Variants in PIAS4 observed in about 807,000 individuals in gnomAD.
PIAS4 encodes the protein E3 SUMO-protein ligase PIAS4.
PIAS4 carries 7 observed loss-of-function variants against 58.0 expected under a neutral mutation model. The observed-to-expected ratio is 0.12, with a 90% CI of 0.07 to 0.23. The LOEUF (loss-of-function observed/expected upper bound fraction) is 0.23. Ranked by LOEUF, PIAS4 falls within the 10% of genes least tolerant of loss-of-function variation. The probability of loss-of-function intolerance (pLI) is 1.00; values close to 1 mark genes in which losing one functional copy is unlikely to be tolerated. For synonymous variants in PIAS4, 364 were observed against 312.4 expected (o/e 1.17, Z -1.74); for missense variants, 550 against 709.5 (o/e 0.78, Z 2.55).
At chr19:4,027,777 T>C (rs2040181625) in intron 3 of PIAS4, among the ~76,000 whole-genome samples, 1 of 152,116 alleles carries the variant, frequency 6.6e-6, no homozygotes, top group Non-Finnish European at 1.5e-5. Flanking sequence ...CTCAAATTCC[T>C]GGGCTCAAGA....
chr19:4,032,538 C>A (rs559121848), intron 7 of PIAS4, among the ~76,000 whole-genome samples: 77 of 152,340 alleles, frequency 5.1e-4, no homozygotes, highest in Admixed American at 1.7e-3. Context: ...TCATGTTTCA[C>A]ATATGTTTCC....
chr19:4,031,290 C>T (rs2040220541), intron 7 of PIAS4, among the ~76,000 whole-genome samples: 1 of 152,190 alleles, frequency 6.6e-6, no homozygotes, highest in South Asian at 2.1e-4. Context: ...CCTGTGCACT[C>T]CAGCCCCCCA....
intron 2 of PIAS4, among the ~76,000 whole-genome samples, chr19:4,021,309 T>C (rs574821525): frequency 6.6e-6 from 1 of 152,144 alleles, no homozygotes; most frequent in African/African-American, 2.4e-5. Context: ...TCACCATGCC[T>C]GGCTAATTTT....
At chr19:4,028,886 C>T (rs775239554) in intron 6 of PIAS4, 38 bp downstream of exon 6, 1 of 1,612,648 alleles carries the variant, frequency 6.2e-7, no homozygotes, top group South Asian at 1.1e-5. Flanking sequence ...GCCCCCCAAC[C>T]CCGGCCCCGT....
At chr19:4,008,813 A>C in intron 1 of PIAS4, among the ~76,000 whole-genome samples, 1 of 150,242 alleles carries the variant, frequency 6.7e-6, no homozygotes, top group Non-Finnish European at 1.5e-5. Flanking sequence ...ACTTTTATGC[A>C]CCCCAACTTT....
intron 7 of PIAS4, among the ~76,000 whole-genome samples, chr19:4,029,892 G>A (rs145316144): frequency 0.093 from 12,788 of 137,930 alleles, 1,902 homozygotes; most frequent in African/African-American, 0.32. Context: ...GCACGATCTC[G>A]GCTCACTGAA....
Position 4,033,410 on chromosome 19 carries a change from TC to T in PIAS4, c.982-5del. On this transcript the variant is annotated splice_polypyrimidine_tract_variant and intron_variant, in intron 8 of 10. Transcript: ENST00000262971. ...AGGGGTGCCCTGCTCACGCAGCCCC[TC>T]CCCCACAGCTGGTGAAGATGCGGCT... 6.5e-7 allele frequency: 1 copy of T among 1,547,324 alleles called. No homozygotes were observed.
rs889712236 is a variant in PIAS4 at position 4,013,164 on chromosome 19, A to T, written c.269A>T (p.Tyr90Phe). Residue 90 changes from tyrosine (Y) to phenylalanine (F), a missense_variant, in exon 2 of 11, where the codon TAC becomes TTC. Tyr to Phe is a conservative substitution (Grantham distance 22). Around this residue, in one of 4 missense-constraint regions of PIAS4, gnomAD observed 95 missense variants for 87.5 expected, o/e 1.09. Transcript: ENST00000262971. The surrounding 1 kb of genome is among the most constrained non-coding windows in gnomAD (Gnocchi z 5.1). Reference sequence around the variant, plus strand: ...GACCCCCTGACCATGCACTCCACCTACGACCGGGCCGGCGCTGTGCCCAGG... The same window carrying T: ...GACCCCCTGACCATGCACTCCACCTTCGACCGGGCCGGCGCTGTGCCCAGG... ...PLDPLTMHST[Y>F]DRAGAVPRTP... is the part of the protein sequence containing the mutation. The T allele has an allele frequency of 4.3e-6, 7 of 1,613,384 alleles. No individual in the cohort carries two copies. The highest frequency in any genetic ancestry group is 2.7e-5 in the African/African-American group (2 of 75,028).
chr19:4,021,718 G>A (rs1039216896), intron 2 of PIAS4, among the ~76,000 whole-genome samples: 1 of 149,916 alleles, frequency 6.7e-6, no homozygotes, highest in Non-Finnish European at 1.5e-5. Flanking sequence ...AGAATTCACC[G>A]ATATGGACCT....
chr19:4,019,667 T>G (rs2040089146), intron 2 of PIAS4, among the ~76,000 whole-genome samples: 1 of 152,206 alleles, frequency 6.6e-6, no homozygotes, highest in Admixed American at 6.5e-5. Context: ...AGGTGGCCTG[T>G]GTGCCCCCCT....
In PIAS4 at chr19:4,033,528, A is replaced by C; in HGVS notation, c.1090A>C (p.Met364Leu). ...LQMNEKKPTW[M>L]CPVCDKPAPY... ...GATGAACGAGAAGAAGCCCACCTGG[A>C]TGTGCCCCGTGTGCGACAAGCCAGC... Residue 364 changes from methionine (M) to leucine (L), a missense_variant, in exon 9 of 11, where the codon ATG becomes CTG. Physicochemically the swap from Met to Leu is conservative, Grantham distance 15 (BLOSUM62 2). This residue lies in a region of PIAS4 where 225 missense variants were observed against 345.8 expected (regional missense o/e 0.65). Coordinates refer to ENST00000262971, the MANE Select transcript of PIAS4 (RefSeq NM_015897.4). 6.2e-7 allele frequency: 1 copy of C among 1,607,592 alleles called. No homozygotes were observed. The highest frequency in any genetic ancestry group is 8.5e-7 in the Non-Finnish European group (1 of 1,178,020).
chr19:4,036,641 C>T (rs2040293838), intron 9 of PIAS4, among the ~76,000 whole-genome samples: 5 of 144,574 alleles, frequency 3.5e-5, no homozygotes, highest in African/African-American at 1.3e-4. Context: ...CTATACAGTC[C>T]ACACTGTCAT....
At chr19:4,007,885 G>C in intron 1 of PIAS4, 98 bp downstream of exon 1, 1 of 934,412 alleles carries the variant, frequency 1.1e-6, no homozygotes, top group Non-Finnish European at 1.4e-6. Flanking sequence ...GGGCCCCACA[G>C]CGCGGCCGGC....
At chr19:4,020,457 C>T (rs1430213341) in intron 2 of PIAS4, among the ~76,000 whole-genome samples, 1 of 151,852 alleles carries the variant, frequency 6.6e-6, no homozygotes, top group Non-Finnish European at 1.5e-5. Context: ...TGTCTCGTCT[C>T]CCGGCCACTG....
At chr19:4,010,939 C>A (rs555324608) in intron 1 of PIAS4, among the ~76,000 whole-genome samples, 1 of 152,226 alleles carries the variant, frequency 6.6e-6, no homozygotes, top group Non-Finnish European at 1.5e-5. Context: ...ACAGCCTCTC[C>A]GTCTCCAACA....
Position 4,033,097 on chromosome 19 carries a change from C to T in PIAS4, c.908-3C>T, listed in dbSNP as rs752236489. 3.1e-6 allele frequency: 5 copies of T among 1,610,858 alleles called. No individual in the cohort carries two copies. The highest frequency in any genetic ancestry group is 4.2e-6 in the Non-Finnish European group (5 of 1,179,022). On this transcript the variant is annotated splice_region_variant and splice_polypyrimidine_tract_variant and intron_variant, in intron 7 of 10. Coordinates refer to ENST00000262971, the MANE Select transcript of PIAS4 (RefSeq NM_015897.4). ...GACGGTGTCTTCCGTTCCCTCCCCA[C>T]AGTCAAGGAGAAGCTGCGCCTTGAT...
rs755590949 is a variant in PIAS4 at position 4,033,102 on chromosome 19, A to C, written c.910A>C (p.Lys304Gln). 3 of 1,611,578 alleles carry C rather than the reference A, an allele frequency of 1.9e-6. No individual in the cohort carries two copies. Among genetic ancestry groups the C allele is most frequent in the Non-Finnish European group, 2.5e-6 (3 of 1,179,514 alleles). ...KHPELCKALV[K>Q]EKLRLDPDSE... is the part of the protein sequence containing the mutation. ...TGTCTTCCGTTCCCTCCCCACAGTC[A>C]AGGAGAAGCTGCGCCTTGATCCTGA... Residue 304 changes from lysine to glutamine, a missense_variant and splice_region_variant, in exon 8 of 11, where the codon AAG (lysine) becomes CAG (glutamine). Lys to Gln is a moderately conservative substitution (Grantham distance 53, BLOSUM62 1). This residue lies in a region of PIAS4 where 225 missense variants were observed against 345.8 expected (regional missense o/e 0.65). Transcript: ENST00000262971.
intron 7 of PIAS4, among the ~76,000 whole-genome samples, chr19:4,031,522 G>A (rs1041498394): frequency 6.6e-6 from 1 of 152,196 alleles, no homozygotes; most frequent in Non-Finnish European, 1.5e-5. Context: ...TTCCCTCAAA[G>A]GGCCCTTTTT....
chr19:4,019,344 G>A (rs1184536512), intron 2 of PIAS4, among the ~76,000 whole-genome samples: 5 of 152,124 alleles, frequency 3.3e-5, no homozygotes, highest in East Asian at 1.9e-4. Context: ...AGCACAGCCC[G>A]GTCTCCCCCA....
Sources: gnomAD v4.1 joint callset for allele counts (sites outside exome capture counted in the v4.1 genomes callset) on GRCh38, gnomAD v4.1.1 for gene constraint, gnomAD v4.1.1 regional missense constraint, Gnocchi (gnomAD v3.1) non-coding constraint, MANE v1.5 for transcripts, NCBI Gene and HGNC (gene_info 2026-07-23, HGNC 2026-07-21) for gene names.